Variants in PSMC4 observed in about 807,000 individuals in gnomAD.
PSMC4 encodes 26S proteasome regulatory subunit 6B.
Under a neutral mutation model 48.4 loss-of-function variants are expected in PSMC4, and 13 were observed. That is an observed-to-expected ratio of 0.27 (90% confidence interval 0.18 to 0.43). The LOEUF (loss-of-function observed/expected upper bound fraction) is 0.43, where lower values mean the gene tolerates loss of function less well. Ranked by LOEUF, PSMC4 falls within the 20% of genes least tolerant of loss-of-function variation. The pLI, the probability that PSMC4 is intolerant of heterozygous loss-of-function variation, is 1.00. For synonymous variants in PSMC4, 202 were observed against 212.3 expected (o/e 0.95, Z 0.42); for missense variants, 262 against 555.9 (o/e 0.47, Z 5.32).
Position 39,980,252 on chromosome 19 carries a change from C to T in PSMC4, c.919-34C>T. The T allele has an allele frequency of 1.2e-6, 2 of 1,613,582 alleles. No homozygotes were observed. The highest frequency in any genetic ancestry group is 1.7e-6 in the Non-Finnish European group (2 of 1,179,786). On this transcript the variant is annotated intron_variant, in intron 8 of 10. Coordinates refer to ENST00000157812, the MANE Select transcript of PSMC4 (RefSeq NM_006503.4). This position sits in a 1 kb window ranked among gnomAD's most constrained non-coding sequence, Gnocchi z 4.8. ...TCGTGACAGGAAGGAGGTAGGAGTG[C>T]AGAGATCTGAGCTGGCCTGCCCCCC...
At chr19:39,971,881 G>GT (rs1971107006) in intron 1 of PSMC4, among the ~76,000 whole-genome samples, 1 of 152,130 alleles carries the variant, frequency 6.6e-6, no homozygotes, top group African/African-American at 2.4e-5. Flanking sequence ...TTAGATCCTA[G>GT]TTGGGGGTTG....
chr19:39,980,435 G>C lies in PSMC4; in HGVS notation c.1068G>C (p.Glu356Asp), dbSNP rs773158269. ...STITSKMNLS[E>D]EVDLEDYVAR... is the part of the protein sequence containing the mutation. Reference sequence around the variant, plus strand: ...TCACTAGCAAGATGAACCTCTCTGAGGAGGTTGACTTGGAAGACTGTATCC... The same window carrying C: ...TCACTAGCAAGATGAACCTCTCTGACGAGGTTGACTTGGAAGACTGTATCC... Residue 356 changes from glutamate to aspartate, a missense_variant, in exon 9 of 11, where the codon GAG becomes GAC. By Grantham distance (45) the Glu-to-Asp change is conservative. Around this residue, in one of 4 missense-constraint regions of PSMC4, gnomAD observed 84 missense variants for 157.8 expected, o/e 0.53. Transcript: ENST00000157812. The surrounding 1 kb of genome is among the most constrained non-coding windows in gnomAD (Gnocchi z 4.8). The C allele has an allele frequency of 6.2e-7, 1 of 1,613,944 alleles. No homozygotes were observed. The highest frequency in any genetic ancestry group is 1.7e-5 in the Admixed American group (1 of 59,994).
chr19:39,972,393 C>T lies in PSMC4; in HGVS notation c.160C>T (p.Leu54=). The T allele has an allele frequency of 6.2e-7, 1 of 1,614,088 alleles. No individual in the cohort carries two copies. Among genetic ancestry groups the T allele is most frequent in the South Asian group, 1.1e-5 (1 of 91,074 alleles). The change falls in exon 3 of 11, where the codon CTG becomes TTG. Residue 54 remains leucine (L), a synonymous_variant. Coordinates refer to ENST00000157812, the MANE Select transcript of PSMC4 (RefSeq NM_006503.4). ...GAAGCTGCAGCAAGAGCTGGAGTTC[C>T]TGGAGGTGCAGGAGGAATACATCAA... ...YKKLQQELEF[L]EVQEEYIKDE...
At chr19:39,972,698 C>CATAT (rs148599802) in intron 3 of PSMC4, 143 bp downstream of exon 3, 207 of 523,230 alleles carry the variant, frequency 4.0e-4, no homozygotes, top group African/African-American at 2.2e-3. Context: ...GAAATACATA[C>CATAT]ATATATATAT....
intron 1 of PSMC4, among the ~76,000 whole-genome samples, chr19:39,971,559 TA>T (rs1393957064): frequency 6.6e-6 from 1 of 152,174 alleles, no homozygotes; most frequent in East Asian, 1.9e-4. Flanking sequence ...GTGAGTGATA[TA>T]TGGGATCCCG....
chr19:39,978,904 C>T (rs941299174), intron 6 of PSMC4, among the ~76,000 whole-genome samples: 7 of 152,120 alleles, frequency 4.6e-5, no homozygotes, highest in East Asian at 1.9e-4. Context: ...CCTAGCTACT[C>T]GGGAGGCTGA....
At chr19:39,972,716 C>CAT (rs985808124) in intron 3 of PSMC4, among the ~76,000 whole-genome samples, 161 bp downstream of exon 3, 33 of 151,310 alleles carry the variant, frequency 2.2e-4, no homozygotes, top group Admixed American at 4.6e-4. Flanking sequence ...TATATATACA[C>CAT]ATATATATAT....
At chr19:39,973,839 G>A (rs1971147320) in intron 3 of PSMC4, among the ~76,000 whole-genome samples, 1 of 152,132 alleles carries the variant, frequency 6.6e-6, no homozygotes, top group Non-Finnish European at 1.5e-5. Flanking sequence ...GTGAGGAGAG[G>A]GTGGTATCCA....
At position 39,981,210 on chromosome 19, in the gene PSMC4, C is replaced by T. The variant is rs752127743; in HGVS notation, c.1162C>T (p.Arg388Cys). ...TCAACAGAGTGGAATGTTGGCTGTCCGTGAAAACCGCTACATTGTCCTGGC... is the reference window on the plus strand; with the variant it reads ...TCAACAGAGTGGAATGTTGGCTGTCTGTGAAAACCGCTACATTGTCCTGGC... ...ICQESGMLAV[R>C]ENRYIVLAKD... is the part of the protein sequence containing the mutation. Residue 388 changes from arginine (R) to cysteine (C), a missense_variant, in exon 11 of 11, where the codon CGT becomes TGT. By Grantham distance (180) the Arg-to-Cys change is radical. Around this residue, in one of 4 missense-constraint regions of PSMC4, gnomAD observed 84 missense variants for 157.8 expected, o/e 0.53. Transcript: ENST00000157812. 3 of 1,613,646 alleles carry T rather than the reference C, an allele frequency of 1.9e-6. No homozygotes were observed. Among genetic ancestry groups the T allele is most frequent in the Non-Finnish European group, 2.5e-6 (3 of 1,179,838 alleles).
intron 2 of PSMC4, 27 bp from the exon 3 acceptor site, chr19:39,972,342 C>A: frequency 6.2e-7 from 1 of 1,612,090 alleles, no homozygotes; most frequent in Non-Finnish European, 8.5e-7. Flanking sequence ...CTGGAGCCAT[C>A]CCCTTCTGTC....
intron 3 of PSMC4, among the ~76,000 whole-genome samples, 182 bp downstream of exon 3, chr19:39,972,737 G>GT (rs796670495): frequency 7.3e-6 from 1 of 137,136 alleles, no homozygotes; most frequent in African/African-American, 3.6e-5. Context: ...GTATATCTAT[G>GT]TTTTTTTTGT....
intron 2 of PSMC4, 47 bp from the exon 3 acceptor site, chr19:39,972,322 A>C: frequency 6.2e-7 from 1 of 1,610,946 alleles, no homozygotes. Flanking sequence ...CACTCTCTGG[A>C]TCAGCAAGTC....
chr19:39,981,509 C>T lies in PSMC4; in HGVS notation c.*204C>T. ...GCCTTGAATAGGATCCTCTGGGTCC[C>T]TCTTAATCTGACAGATGAGCAGACG... On this transcript the variant is annotated 3_prime_UTR_variant, in exon 11 of 11. Coordinates refer to ENST00000157812, the MANE Select transcript of PSMC4 (RefSeq NM_006503.4). 1 of 505,672 alleles carries T rather than the reference C, an allele frequency of 2.0e-6. No individual in the cohort carries two copies. The highest frequency in any genetic ancestry group is 3.6e-6 in the Non-Finnish European group (1 of 279,326). The allele number at this position is 505,672 out of a possible 1,614,324, so 31.3% of individuals were successfully genotyped here. A position where few individuals can be genotyped will look rare whatever the true frequency, so the allele number is the denominator to read the frequency against.
intron 6 of PSMC4, among the ~76,000 whole-genome samples, chr19:39,979,290 G>A (rs1208485296): frequency 1.3e-5 from 2 of 152,146 alleles, no homozygotes; most frequent in Non-Finnish European, 2.9e-5. Context: ...GCTGGACATG[G>A]TGGCTCATGC....
At position 39,978,853 on chromosome 19, in the gene PSMC4, C is replaced by A. The variant is rs144265630; in HGVS notation, c.674-964C>A. On this transcript the variant is annotated intron_variant, in intron 6 of 10. Transcript: ENST00000157812. The stretch of plus-strand genomic sequence containing the variant: ...GCAATATAGCAAGACCCCATCTCCT[C>A]AAAAATTTTAAAAAGCTAGGTGTGG... Among the ~76,000 whole-genome samples the A allele has an allele frequency of 7.7e-3, 1,172 of 152,112 alleles. 13 individuals are homozygous for A. The highest frequency in any genetic ancestry group is 0.027 in the African/African-American group (1,115 of 41,474).
chr19:39,973,792 G>A (rs903718015), intron 3 of PSMC4, among the ~76,000 whole-genome samples: 8 of 152,118 alleles, frequency 5.3e-5, no homozygotes, highest in Admixed American at 2.0e-4. Context: ...AAAGGTGTGC[G>A]ATTGTGCCTG....
rs532888816 is a variant in PSMC4, at chr19:39,971,218, A to G, written c.16A>G (p.Ile6Val). The change falls in exon 1 of 11, where the codon ATC becomes GTC. Residue 6 changes from isoleucine (I) to valine (V), a missense_variant. Transcript: ENST00000157812. MEEIG[I>V]LVEKAQDEIP... ...CTTGGTCACTATGGAGGAGATAGGC[A>G]TCTTGGTGGAGAAGGCTCAGGTACA... 44 of 1,614,154 alleles carry G rather than the reference A, an allele frequency of 2.7e-5. No individual in the cohort carries two copies. The South Asian group carries it at 4.8e-4, about 18-fold the overall frequency.
intron 3 of PSMC4, 141 bp downstream of exon 3, chr19:39,972,696 T>TACATATATATATATAC: frequency 1.8e-6 from 1 of 549,408 alleles, no homozygotes; most frequent in East Asian, 3.0e-5. Context: ...TAGAAATACA[T>TACATATATATATATAC]ACATATATAT....
At chr19:39,972,307 T>C in intron 2 of PSMC4, 62 bp from the exon 3 acceptor site, 1 of 1,610,208 alleles carries the variant, frequency 6.2e-7, no homozygotes, top group Non-Finnish European at 8.5e-7. Flanking sequence ...TTCCCCACTT[T>C]CCACCACTCT....
Sources: allele counts gnomAD v4.1 joint callset (sites outside exome capture counted in the v4.1 genomes callset), GRCh38; gene constraint gnomAD v4.1.1; regional missense constraint gnomAD v4.1.1; non-coding constraint Gnocchi (gnomAD v3.1); transcripts MANE v1.5; gene names NCBI Gene and HGNC (gene_info 2026-07-23, HGNC 2026-07-21).